The following L2HGDH variants were observed in gnomAD, a reference collection of about 807,000 sequenced individuals.
The protein encoded by L2HGDH is L-2-hydroxyglutarate dehydrogenase, also known as L-2-hydroxyglutarate dehydrogenase, mitochondrial.
L2HGDH carries 34 observed loss-of-function variants against 51.5 expected under a neutral mutation model. The observed-to-expected ratio is 0.66, with a 90% CI of 0.50 to 0.88. The LOEUF (loss-of-function observed/expected upper bound fraction) is 0.88, where lower values mean the gene tolerates loss of function less well. Ranked by LOEUF, L2HGDH falls within the 40% of genes least tolerant of loss-of-function variation. The pLI is 0.00. For synonymous variants in L2HGDH, 198 were observed against 197.9 expected (o/e 1.00, Z -0.01); for missense variants, 558 against 571.9 (o/e 0.98, Z 0.25).
chr14:50,275,893 G>A (rs1889953809), intron 6 of L2HGDH, among the ~76,000 whole-genome samples: 1 of 152,112 alleles, frequency 6.6e-6, no homozygotes, highest in South Asian at 2.1e-4. Context: ...TGATCTAGAG[G>A]TCTTAGTTCC....
rs188146824 is a variant in L2HGDH at position 50,265,825 on chromosome 14, A to T, written c.1065-336T>A. 2.6e-5 allele frequency among the ~76,000 whole-genome samples: 4 copies of T among 152,272 alleles called. No individual in the cohort carries two copies. The East Asian group carries it at 7.7e-4, about 29-fold the overall frequency. ...GCTAATCAAGAGGCTGAGGCAGGAGAATTGCTTGAACCCAGGAGGCAGAGG... is the reference window on the plus strand; with the variant it reads ...GCTAATCAAGAGGCTGAGGCAGGAGTATTGCTTGAACCCAGGAGGCAGAGG... On this transcript the variant is annotated intron_variant, in intron 8 of 9. Transcript: ENST00000267436.
At position 50,246,377 on chromosome 14, in the gene L2HGDH, C is replaced by G. The variant is rs1887999907; in HGVS notation, c.*681G>C. On this transcript the variant is annotated 3_prime_UTR_variant, in exon 10 of 10. Coordinates refer to ENST00000267436, the MANE Select transcript of L2HGDH (RefSeq NM_024884.3). ...GGACTACAGGCACACACCATCATGC[C>G]CAGCTAATTTTTGTATTTTTTGTAG... The G allele has an allele frequency of 1.3e-5, 2 of 151,240 alleles. No individual in the cohort carries two copies. The highest frequency in any genetic ancestry group is 4.9e-5 in the African/African-American group (2 of 41,052). 9.4% of individuals were successfully genotyped at this position (151,240 alleles called of 1,614,324 possible). A position where few individuals can be genotyped will look rare whatever the true frequency, so the allele number is the denominator to read the frequency against.
chr14:50,277,798 TA>T (rs1890055974), intron 6 of L2HGDH, among the ~76,000 whole-genome samples: 1 of 146,724 alleles, frequency 6.8e-6, no homozygotes, highest in Non-Finnish European at 1.5e-5. Flanking sequence ...ATAATAATAA[TA>T]ATAATAATAA....
At chr14:50,258,601 A>T (rs1888812200) in intron 9 of L2HGDH, among the ~76,000 whole-genome samples, 1 of 151,604 alleles carries the variant, frequency 6.6e-6, no homozygotes. Context: ...ATAGCCTTTA[A>T]CTCCTGGGCT....
In L2HGDH at chr14:50,264,878, G is replaced by GT. The variant is rs1040810138; in HGVS notation, c.1196+479dup. Among the ~76,000 whole-genome samples the GT allele has an allele frequency of 5.9e-5, 9 of 151,900 alleles. No homozygotes were observed. The South Asian group carries it at 1.7e-3, about 28-fold the overall frequency. On this transcript the variant is annotated intron_variant, in intron 9 of 9. Coordinates refer to ENST00000267436, the MANE Select transcript of L2HGDH (RefSeq NM_024884.3). ...TTCACATGTACCCCAAACCTAAAAG[G>GT]TTTTTTTTAAGTTTTAAGAATCAAT...
Position 50,243,431 on chromosome 14 carries a change from T to G in L2HGDH, c.*3627A>C. On this transcript the variant is annotated 3_prime_UTR_variant, in exon 10 of 10. Transcript: ENST00000267436. ...TGTTTTACACATAAAAAAATTTATTTGCATAAAAGTTTTTATGGAACTAAA... is the reference window on the plus strand; with the variant it reads ...TGTTTTACACATAAAAAAATTTATTGGCATAAAAGTTTTTATGGAACTAAA... 1 of 946,072 alleles carries G rather than the reference T, an allele frequency of 1.1e-6. No individual in the cohort carries two copies. Among genetic ancestry groups the G allele is most frequent in the Non-Finnish European group, 1.3e-6 (1 of 794,362 alleles). 58.6% of individuals were successfully genotyped at this position (946,072 alleles called of 1,614,324 possible). A position where few individuals can be genotyped will look rare whatever the true frequency, so the allele number is the denominator to read the frequency against.
intron 9 of L2HGDH, among the ~76,000 whole-genome samples, chr14:50,264,586 A>T (rs1038409157): frequency 6.6e-6 from 1 of 152,172 alleles, no homozygotes; most frequent in Admixed American, 6.6e-5. Flanking sequence ...ACAGGTTTTA[A>T]TGGAGCTGGA....
rs536833278 is a variant in L2HGDH, at chr14:50,243,416, A to G, written c.*3642T>C. 3.1e-6 allele frequency: 3 copies of G among 973,058 alleles called. No homozygotes were observed. The highest frequency in any genetic ancestry group is 1.8e-5 in the African/African-American group (1 of 56,966). The allele number at this position is 973,058 out of a possible 1,614,324, so 60.3% of individuals were successfully genotyped here. A position where few individuals can be genotyped will look rare whatever the true frequency, so the allele number is the denominator to read the frequency against. On this transcript the variant is annotated 3_prime_UTR_variant, in exon 10 of 10. Coordinates refer to ENST00000267436, the MANE Select transcript of L2HGDH (RefSeq NM_024884.3). The stretch of plus-strand genomic sequence containing the variant: ...AAAGCAAACAGTTTATGTTTTACAC[A>G]TAAAAAAATTTATTTGCATAAAAGT...
chr14:50,242,629 A>G lies in L2HGDH; in HGVS notation c.*4429T>C. The G allele has an allele frequency of 1.0e-6, 1 of 985,340 alleles. No homozygotes were observed. Among genetic ancestry groups the G allele is most frequent in the Non-Finnish European group, 1.2e-6 (1 of 829,854 alleles). 61.0% of individuals were successfully genotyped at this position (985,340 alleles called of 1,614,324 possible). ...TCCATTCTTAAGCTATTTAATGAGTACAAACTATTTGAAAACATCTCGAGG... is the reference window on the plus strand; with the variant it reads ...TCCATTCTTAAGCTATTTAATGAGTGCAAACTATTTGAAAACATCTCGAGG... On this transcript the variant is annotated 3_prime_UTR_variant, in exon 10 of 10. Coordinates refer to ENST00000267436, the MANE Select transcript of L2HGDH (RefSeq NM_024884.3).
At chr14:50,283,065 G>A (rs1890364875) in intron 5 of L2HGDH, among the ~76,000 whole-genome samples, 1 of 151,880 alleles carries the variant, frequency 6.6e-6, no homozygotes, top group Non-Finnish European at 1.5e-5. Flanking sequence ...GCTGGGTGTG[G>A]TGGCAAGCAC....
chr14:50,259,137 C>T lies in L2HGDH; in HGVS notation c.1196+6221G>A, dbSNP rs1888846461. Among the ~76,000 whole-genome samples, 2 of 151,346 alleles carry T rather than the reference C, an allele frequency of 1.3e-5. 1 individual carries two copies. The highest frequency in any genetic ancestry group is 4.2e-4 in the South Asian group (2 of 4,806). On this transcript the variant is annotated intron_variant, in intron 9 of 9. Transcript: ENST00000267436. ...AAAGTGCTAGGATTAAAGGCAGGAGCCACTGAGCCCAACCATATTTTATTA... is the reference window on the plus strand; with the variant it reads ...AAAGTGCTAGGATTAAAGGCAGGAGTCACTGAGCCCAACCATATTTTATTA...
At chr14:50,262,150 T>C (rs1171513973) in intron 9 of L2HGDH, among the ~76,000 whole-genome samples, 1 of 152,156 alleles carries the variant, frequency 6.6e-6, no homozygotes, top group Non-Finnish European at 1.5e-5. Flanking sequence ...TCTATTGATC[T>C]TGGCCAGGCG....
intron 2 of L2HGDH, among the ~76,000 whole-genome samples, 175 bp from the exon 3 acceptor site, chr14:50,302,343 C>T (rs184391835): frequency 4.1e-4 from 63 of 152,296 alleles, no homozygotes; most frequent in African/African-American, 1.5e-3. Context: ...ATGTCACATC[C>T]CTCCAGCCCA....
chr14:50,300,230 T>C (rs2030326094), intron 3 of L2HGDH, among the ~76,000 whole-genome samples: 1 of 152,000 alleles, frequency 6.6e-6, no homozygotes, highest in Non-Finnish European at 1.5e-5. Flanking sequence ...AGTGTTTGCA[T>C]CATAAAAAAA....
chr14:50,307,120 G>A (rs2030777310), intron 1 of L2HGDH, among the ~76,000 whole-genome samples: 1 of 152,040 alleles, frequency 6.6e-6, no homozygotes, highest in Non-Finnish European at 1.5e-5. Context: ...CTGGCCCCTT[G>A]CTGCCTTTTG....
At chr14:50,296,943 C>T (rs2030092936) in intron 3 of L2HGDH, among the ~76,000 whole-genome samples, 1 of 152,104 alleles carries the variant, frequency 6.6e-6, no homozygotes, top group Non-Finnish European at 1.5e-5. Context: ...GGATTTATCA[C>T]AGGAATGTAA....
At chr14:50,295,138 C>G (rs1409204565) in intron 3 of L2HGDH, among the ~76,000 whole-genome samples, 5 of 152,174 alleles carry the variant, frequency 3.3e-5, no homozygotes, top group Non-Finnish European at 1.5e-5. Context: ...AGAATTCTTA[C>G]AACTCATAAT....
chr14:50,280,619 T>G (rs12432105), intron 5 of L2HGDH, among the ~76,000 whole-genome samples: 85,229 of 151,932 alleles, frequency 0.56, 23,952 homozygotes, highest in East Asian at 0.65. Context: ...CGGTAAGCTG[T>G]ACATCTGAGT....
At chr14:50,262,058 T>C (rs1256728979) in intron 9 of L2HGDH, among the ~76,000 whole-genome samples, 1 of 152,188 alleles carries the variant, frequency 6.6e-6, no homozygotes, top group Admixed American at 6.5e-5. Flanking sequence ...TTCACTGCAA[T>C]ACTAAGGGCA....
Sources: gnomAD v4.1 joint callset for allele counts (sites outside exome capture counted in the v4.1 genomes callset) on GRCh38, gnomAD v4.1.1 for gene constraint, MANE v1.5 for transcripts, NCBI Gene and HGNC (gene_info 2026-07-23, HGNC 2026-07-21) for gene names.